The following RNF38 variants were observed in gnomAD, a reference collection of about 807,000 sequenced individuals.
RNF38 encodes ring finger protein 38, also known as E3 ubiquitin-protein ligase RNF38.
Under a neutral mutation model 67.2 loss-of-function variants are expected in RNF38, and 15 were observed. The ratio of observed to expected loss-of-function variants is 0.22; its 90% CI spans 0.15 to 0.34. The LOEUF is 0.34. RNF38 is among the 10% of genes least tolerant of loss of function. The probability of loss-of-function intolerance (pLI) is 1.00; values close to 1 mark genes in which losing one functional copy is unlikely to be tolerated. For synonymous variants in RNF38, 220 were observed against 218.8 expected, an observed-to-expected ratio of 1.01 and a Z score of -0.05; for missense variants, 524 against 639.9, an observed-to-expected ratio of 0.82 and a Z score of 1.95.
chr9:36,442,640 T>C (rs746903522), intron 1 of RNF38, among the ~76,000 whole-genome samples: 18 of 152,110 alleles, frequency 1.2e-4, no homozygotes, highest in Non-Finnish European at 2.2e-4. Context: ...ATTAGCCGGG[T>C]GTGGTGGCAC....
At chr9:36,399,980 A>G in intron 1 of RNF38, 117 bp downstream of exon 1, 1 of 911,346 alleles carries the variant, frequency 1.1e-6, no homozygotes, top group Non-Finnish European at 1.7e-6. Flanking sequence ...ATGGCAATTC[A>G]TATAATGGTG....
intron 8 of RNF38, among the ~76,000 whole-genome samples, chr9:36,351,522 A>G (rs1176417492): frequency 6.6e-6 from 1 of 152,212 alleles, no homozygotes; most frequent in Non-Finnish European, 1.5e-5. Context: ...AAAAACTCAC[A>G]TGCTGATTTA....
At chr9:36,376,296 G>A (rs1374774013) in intron 2 of RNF38, among the ~76,000 whole-genome samples, 169 bp from the exon 3 acceptor site, 1 of 152,176 alleles carries the variant, frequency 6.6e-6, no homozygotes, top group Non-Finnish European at 1.5e-5. Context: ...ATGCTGGGAT[G>A]GGGTAGAACA....
At chr9:36,399,493 A>AAT (rs59770965) in intron 1 of RNF38, among the ~76,000 whole-genome samples, 93,684 of 146,272 alleles carry the variant, frequency 0.64, 29,996 homozygotes, top group South Asian at 0.66. Context: ...AAATATATAT[A>AAT]ATATATTATA....
chr9:36,356,037 G>A (rs1834078334), intron 6 of RNF38, among the ~76,000 whole-genome samples: 1 of 152,134 alleles, frequency 6.6e-6, no homozygotes, highest in African/African-American at 2.4e-5. Context: ...AGTAGAGACA[G>A]GGTTTCACCA....
chr9:36,342,428 A>G lies in RNF38; in HGVS notation c.1386-4T>C. The G allele has an allele frequency of 1.9e-6, 3 of 1,588,300 alleles. No homozygotes were observed. The highest frequency in any genetic ancestry group is 2.6e-6 in the Non-Finnish European group (3 of 1,156,714). On this transcript the variant is annotated splice_polypyrimidine_tract_variant and splice_region_variant and intron_variant, in intron 10 of 11. Transcript: ENST00000259605. ...ATCACACATGCATACTACACACCTA[A>G]AAAAAGCAAAAAGATCATTTAACCA...
chr9:36,458,664 C>T (rs968639997), intron 1 of RNF38, among the ~76,000 whole-genome samples: 1 of 151,980 alleles, frequency 6.6e-6, no homozygotes, highest in African/African-American at 2.4e-5. Flanking sequence ...GTTCCGGACA[C>T]ATCTGAACAT....
intron 6 of RNF38, among the ~76,000 whole-genome samples, chr9:36,353,701 T>C (rs1172903029): frequency 2.6e-5 from 4 of 152,180 alleles, no homozygotes; most frequent in Non-Finnish European, 5.9e-5. Context: ...TTCAGACATT[T>C]AACCTTTCAC....
rs1832671303 is a variant in RNF38, at chr9:36,339,289, CAAG to C, written c.*460_*462del. The C allele has an allele frequency of 6.2e-6, 1 of 161,514 alleles. No individual in the cohort carries two copies. Among genetic ancestry groups the C allele is most frequent in the Non-Finnish European group, 1.4e-5 (1 of 72,686 alleles). 10.0% of individuals were successfully genotyped at this position (161,514 alleles called of 1,614,324 possible). The stretch of plus-strand genomic sequence containing the variant: ...ACACGTTAGCTACCATGCCCTCACA[CAAG>C]TAGTTGCACACACTCACACAGATAC... On this transcript the variant is annotated 3_prime_UTR_variant, in exon 12 of 12. Transcript: ENST00000259605.
intron 1 of RNF38, among the ~76,000 whole-genome samples, chr9:36,472,254 G>C (rs1840015342): frequency 6.6e-6 from 1 of 152,082 alleles, no homozygotes. Context: ...TCAATTATCT[G>C]GATTAATCAG....
chr9:36,467,252 C>A, intron 1 of RNF38, among the ~76,000 whole-genome samples: 1 of 98,496 alleles, frequency 1.0e-5, no homozygotes. Flanking sequence ...TATACACACA[C>A]ACACACATAT....
At position 36,337,485 on chromosome 9, in the gene RNF38, T is replaced by G. The variant is rs1420812971; in HGVS notation, c.*2267A>C. On this transcript the variant is annotated 3_prime_UTR_variant, in exon 12 of 12. Transcript: ENST00000259605. Reference sequence around the variant, plus strand: ...CTGCTACTCCTAGTCATTAGTACAATGTGCTGTGTTAATTAGATACCTCTA... The same window carrying G: ...CTGCTACTCCTAGTCATTAGTACAAGGTGCTGTGTTAATTAGATACCTCTA... 2 of 152,666 alleles carry G rather than the reference T, an allele frequency of 1.3e-5. No individual in the cohort carries two copies. The highest frequency in any genetic ancestry group is 2.9e-5 in the Non-Finnish European group (2 of 68,036). The allele number at this position is 152,666 out of a possible 1,614,324, so 9.5% of individuals were successfully genotyped here. A position where few individuals can be genotyped will look rare whatever the true frequency, so the allele number is the denominator to read the frequency against.
At chr9:36,431,322 A>T (rs572676271) in intron 1 of RNF38, among the ~76,000 whole-genome samples, 1 of 152,282 alleles carries the variant, frequency 6.6e-6, no homozygotes, top group African/African-American at 2.4e-5. Flanking sequence ...CTGCCCCTAG[A>T]GCACAAACCT....
At chr9:36,411,980 A>G (rs955609417) in intron 2 of RNF38, among the ~76,000 whole-genome samples, 1 of 152,216 alleles carries the variant, frequency 6.6e-6, no homozygotes. Flanking sequence ...AAAAAGAAAA[A>G]CAGTGTATGA....
chr9:36,392,706 A>G (rs1837202503), intron 1 of RNF38, among the ~76,000 whole-genome samples: 1 of 152,220 alleles, frequency 6.6e-6, no homozygotes, highest in African/African-American at 2.4e-5. Context: ...TTGAGGTTAC[A>G]GTGAGCTATG....
chr9:36,472,762 C>G (rs1027662523), intron 1 of RNF38, among the ~76,000 whole-genome samples: 2 of 152,182 alleles, frequency 1.3e-5, no homozygotes, highest in African/African-American at 4.8e-5. Flanking sequence ...TGTTGAGAAT[C>G]ACAGAGCATG....
upstream of RNF38, chr9:36,400,898 C>T (rs1318063592): frequency 2.0e-6 from 2 of 982,004 alleles, no homozygotes; most frequent in Non-Finnish European, 2.4e-6. Context: ...GGCCACGCCC[C>T]TCCCCGCCCC....
upstream of RNF38, among the ~76,000 whole-genome samples, chr9:36,403,326 A>G (rs934363632): frequency 1.4e-4 from 22 of 152,252 alleles, no homozygotes; most frequent in African/African-American, 5.3e-4. Flanking sequence ...AATGACAAAA[A>G]TATTCTACAT....
At chr9:36,487,370 C>T (rs562165267) in exon 1 of RNF38, 13 of 983,990 alleles carry the variant, frequency 1.3e-5, no homozygotes, top group African/African-American at 1.8e-5. Context: ...AGGCCCGTGG[C>T]CCGGAGGGCT....
Sources: allele counts gnomAD v4.1 joint callset (sites outside exome capture counted in the v4.1 genomes callset), GRCh38; gene constraint gnomAD v4.1.1; transcripts MANE v1.5; gene names NCBI Gene and HGNC (gene_info 2026-07-23, HGNC 2026-07-21).